Variants in MAP1B observed in about 807,000 individuals in gnomAD.
The protein encoded by MAP1B is microtubule associated protein 1B.
In MAP1B, 12 loss-of-function variants were observed where a neutral mutation model predicts 176.1. The observed-to-expected ratio is 0.07, with a 90% CI of 0.04 to 0.11. MAP1B has a LOEUF of 0.11. Among genes scored for constraint, MAP1B ranks in the 10% least tolerant of loss-of-function variants. The pLI, the probability that MAP1B is intolerant of heterozygous loss-of-function variation, is 1.00. For synonymous variants in MAP1B, 1,044 were observed against 1,135.0 expected, an observed-to-expected ratio of 0.92 and a Z score of 1.61; for missense variants, 2,523 against 2,990.5, an observed-to-expected ratio of 0.84 and a Z score of 3.65.
At chr5:72,130,840 G>C (rs1032772388) in intron 2 of MAP1B, among the ~76,000 whole-genome samples, 4 of 152,202 alleles carry the variant, frequency 2.6e-5, no homozygotes, top group African/African-American at 9.6e-5. Flanking sequence ...TCATACAAGT[G>C]AAAAAAGTCA....
intron 1 of MAP1B, among the ~76,000 whole-genome samples, chr5:72,115,234 G>T (rs1257533766): frequency 6.6e-6 from 1 of 152,070 alleles, no homozygotes; most frequent in East Asian, 1.9e-4. Flanking sequence ...AGAAACAAAG[G>T]CCCGTGCTTG....
chr5:72,160,278 ACT>A (rs1263955843), intron 2 of MAP1B, among the ~76,000 whole-genome samples: 1 of 152,000 alleles, frequency 6.6e-6, no homozygotes, highest in African/African-American at 2.4e-5. Flanking sequence ...TTTGGAAAAG[ACT>A]CTGAAAAAGG....
In MAP1B at chr5:72,186,071, C is replaced by T. The variant is rs371804302; in HGVS notation, c.370-543C>T. Among the ~76,000 whole-genome samples the T allele has an allele frequency of 1.3e-5, 2 of 152,258 alleles. No individual in the cohort carries two copies. Among genetic ancestry groups the T allele is most frequent in the South Asian group, 4.1e-4 (2 of 4,822 alleles). ...CCTTACTGATGCCACTGGAGACTGC[C>T]GTGGAGCTGTGTGTGTGCTTGCTGC... On this transcript the variant is annotated intron_variant, in intron 3 of 6. Coordinates refer to ENST00000296755, the MANE Select transcript of MAP1B (RefSeq NM_005909.5). This position sits in a 1 kb window ranked among gnomAD's most constrained non-coding sequence, Gnocchi z 4.3.
intron 4 of MAP1B, among the ~76,000 whole-genome samples, chr5:72,189,786 C>T (rs779661788): frequency 4.0e-5 from 6 of 151,882 alleles, no homozygotes; most frequent in Non-Finnish European, 5.9e-5. Context: ...GGAGTTTAGT[C>T]CTGGTCATGT....
In MAP1B at chr5:72,209,117, A is replaced by G. The variant is rs772969845; in HGVS notation, c.*3878A>G. On this transcript the variant is annotated 3_prime_UTR_variant, in exon 7 of 7. Coordinates refer to ENST00000296755, the MANE Select transcript of MAP1B (RefSeq NM_005909.5). Reference sequence around the variant, plus strand: ...TTTAAAGGCAGCATCAAAAACTGAAAAGGAAGGGAAAAAATAGGCAGCTTC... The same window carrying G: ...TTTAAAGGCAGCATCAAAAACTGAAGAGGAAGGGAAAAAATAGGCAGCTTC... The G allele has an allele frequency of 2.0e-5, 3 of 152,318 alleles. No individual in the cohort carries two copies. Among genetic ancestry groups the G allele is most frequent in the Non-Finnish European group, 4.4e-5 (3 of 68,022 alleles). 9.4% of individuals were successfully genotyped at this position (152,318 alleles called of 1,614,324 possible). A position where few individuals can be genotyped will look rare whatever the true frequency, so the allele number is the denominator to read the frequency against.
At chr5:72,139,730 C>A (rs940214032) in intron 2 of MAP1B, among the ~76,000 whole-genome samples, 1 of 152,080 alleles carries the variant, frequency 6.6e-6, no homozygotes, top group Non-Finnish European at 1.5e-5. Context: ...GAGGAAACCT[C>A]GTATATAGTT....
chr5:72,207,268 C>CT lies in MAP1B; in HGVS notation c.*2030dup, dbSNP rs1384301257. 4 of 152,132 alleles carry CT rather than the reference C, an allele frequency of 2.6e-5. No homozygotes were observed. The highest frequency in any genetic ancestry group is 1.3e-4 in the Admixed American group (2 of 15,272). The allele number at this position is 152,132 out of a possible 1,614,324, so 9.4% of individuals were successfully genotyped here. A position where few individuals can be genotyped will look rare whatever the true frequency, so the allele number is the denominator to read the frequency against. On this transcript the variant is annotated 3_prime_UTR_variant, in exon 7 of 7. Coordinates refer to ENST00000296755, the MANE Select transcript of MAP1B (RefSeq NM_005909.5). ...TGTCACATTACATTTCCTGCAGACT[C>CT]TAAGATCTACGGAGTAGAGAACAAT...
At position 72,196,301 on chromosome 5, in the gene MAP1B, T is replaced by C. The variant is rs1311954102; in HGVS notation, c.2946T>C (p.Ala982=). The change falls in exon 5 of 7, where the codon GCT becomes GCC. Residue 982 remains alanine (A), a synonymous_variant. Transcript: ENST00000296755. This position sits in a 1 kb window ranked among gnomAD's most constrained non-coding sequence, Gnocchi z 5.3. ...TEDEESAKAE[A]DAYIREKRES... Reference sequence around the variant, plus strand: ...ATGAGGAAAGTGCCAAGGCGGAGGCTGATGCATACATCAGGGAGAAGAGGG... The same window carrying C: ...ATGAGGAAAGTGCCAAGGCGGAGGCCGATGCATACATCAGGGAGAAGAGGG... 6.2e-7 allele frequency: 1 copy of C among 1,614,034 alleles called. No homozygotes were observed. The highest frequency in any genetic ancestry group is 1.7e-5 in the Admixed American group (1 of 60,012).
rs931525028 is a variant in MAP1B, at chr5:72,196,796, C to T, written c.3441C>T (p.Thr1147=). The T allele has an allele frequency of 3.1e-6, 5 of 1,613,858 alleles. No individual in the cohort carries two copies. In the Admixed American group the frequency reaches 6.7e-5, roughly 22 times the overall value. The stretch of plus-strand genomic sequence containing the variant: ...CTCGAGACGTGATGAGTGATGAGAC[C>T]AACAATGAAGAGACGGAGTCCCCTT... ...STPRDVMSDE[T]NNEETESPSQ... is the part of the protein sequence containing the mutation. Residue 1147 remains threonine (T), a synonymous_variant, in exon 5 of 7, where the codon ACC becomes ACT. Coordinates refer to ENST00000296755, the MANE Select transcript of MAP1B (RefSeq NM_005909.5). The surrounding 1 kb of genome is among the most constrained non-coding windows in gnomAD (Gnocchi z 5.3).
intron 1 of MAP1B, among the ~76,000 whole-genome samples, chr5:72,114,577 C>A (rs1397400481): frequency 6.6e-6 from 1 of 152,224 alleles, no homozygotes; most frequent in Non-Finnish European, 1.5e-5. Flanking sequence ...CCACCATGAG[C>A]AACCTATTAG....
intron 2 of MAP1B, among the ~76,000 whole-genome samples, chr5:72,132,159 T>A (rs773827898): frequency 6.6e-6 from 1 of 152,238 alleles, no homozygotes; most frequent in Non-Finnish European, 1.5e-5. Context: ...TTCTATGTAG[T>A]ATTTTACTTG....
In MAP1B at chr5:72,196,108, A is replaced by G. The variant is rs368868595; in HGVS notation, c.2753A>G (p.Gln918Arg). Residue 918 changes from glutamine (Q) to arginine (R), a missense_variant, in exon 5 of 7, where the codon CAG (glutamine) becomes CGG (arginine). This residue lies in a region of MAP1B where 1,925 missense variants were observed against 2,126.0 expected (regional missense o/e 0.91). Transcript: ENST00000296755. The surrounding 1 kb of genome is among the most constrained non-coding windows in gnomAD (Gnocchi z 5.3). ...GAGGAGCTGGAGCCCGTCGAGAAGC[A>G]GGGAGTAGACGACATTGAAAAATTT... is the stretch of plus-strand genomic sequence containing the variant. ...TPEELEPVEKQGVDDIEKFED... is the reference protein window; with the variant it reads ...TPEELEPVEKRGVDDIEKFED... 4.3e-6 allele frequency: 7 copies of G among 1,613,944 alleles called. No homozygotes were observed. The African/African-American group carries it at 9.3e-5, about 22-fold the overall frequency.
chr5:72,185,365 G>A (rs1232337716), intron 3 of MAP1B, among the ~76,000 whole-genome samples: 1 of 152,198 alleles, frequency 6.6e-6, no homozygotes, highest in East Asian at 1.9e-4. Flanking sequence ...GAATCGGGAA[G>A]TAATTACAGC....
At chr5:72,149,586 A>G (rs973907020) in intron 2 of MAP1B, among the ~76,000 whole-genome samples, 10 of 152,210 alleles carry the variant, frequency 6.6e-5, no homozygotes, top group Non-Finnish European at 1.0e-4. Flanking sequence ...ATTTTTAAAC[A>G]GTTTGTTGAG....
chr5:72,160,423 G>A (rs1317241767), intron 2 of MAP1B, among the ~76,000 whole-genome samples: 1 of 152,148 alleles, frequency 6.6e-6, no homozygotes, highest in African/African-American at 2.4e-5. Flanking sequence ...TATTGTCTAG[G>A]AAATGAGTGT....
chr5:72,200,449 T>C (rs1029668990), intron 5 of MAP1B, 82 bp downstream of exon 5: 3 of 1,513,318 alleles, frequency 2.0e-6, no homozygotes, highest in African/African-American at 2.8e-5. Context: ...CCTGTTTGGC[T>C]TTGTACTGGG....
intron 2 of MAP1B, among the ~76,000 whole-genome samples, chr5:72,142,511 C>A (rs1239145414): frequency 2.0e-5 from 3 of 151,992 alleles, no homozygotes; most frequent in Admixed American, 2.0e-4. Context: ...CCGGAGCTCG[C>A]TGAGGAATAA....
rs1209976315 is a variant in MAP1B, at chr5:72,198,021, T to A, written c.4666T>A (p.Ser1556Thr). ...MEGVASVSTA[S>T]VATSSFPEPT... is the part of the protein sequence containing the mutation. ...GGGTGTGGCCTCAGTGTCCACAGCC[T>A]CAGTGGCTACGAGCTCATTTCCAGA... Residue 1556 changes from serine (S) to threonine (T), a missense_variant, in exon 5 of 7, where the codon TCA (serine) becomes ACA (threonine). Physicochemically the swap from Ser to Thr is moderately conservative, Grantham distance 58. Transcript: ENST00000296755. The A allele has an allele frequency of 6.2e-7, 1 of 1,614,096 alleles. No individual in the cohort carries two copies. The highest frequency in any genetic ancestry group is 8.5e-7 in the Non-Finnish European group (1 of 1,180,042).
At chr5:72,144,962 T>C (rs1746018423) in intron 2 of MAP1B, among the ~76,000 whole-genome samples, 1 of 152,170 alleles carries the variant, frequency 6.6e-6, no homozygotes, top group East Asian at 1.9e-4. Flanking sequence ...TTGTTGCTTG[T>C]GTGAGATTCT....
Sources: gnomAD v4.1 joint callset for allele counts (sites outside exome capture counted in the v4.1 genomes callset) on GRCh38, gnomAD v4.1.1 for gene constraint, gnomAD v4.1.1 regional missense constraint, Gnocchi (gnomAD v3.1) non-coding constraint, MANE v1.5 for transcripts, NCBI Gene and HGNC (gene_info 2026-07-23, HGNC 2026-07-21) for gene names.